Variants in NEB observed in about 807,000 individuals in gnomAD.
NEB encodes the protein nebulin, also known as nemaline myopathy type 2.
In NEB, 512 loss-of-function variants were observed where a neutral mutation model predicts 952.2. That is an observed-to-expected ratio of 0.54 (90% CI 0.50 to 0.58). The LOEUF is 0.58. Among genes scored for constraint, NEB ranks in the 20% least tolerant of loss-of-function variants. The pLI is 0.00. For synonymous variants in NEB, 2,900 were observed against 3,149.8 expected (o/e 0.92, Z 2.66); for missense variants, 8,428 against 9,231.1 (o/e 0.91, Z 3.56).
rs763898579 is a variant in NEB at position 151,694,353 on chromosome 2, G to T, written c.1866C>A (p.His622Gln). Residue 622 changes from histidine to glutamine, a missense_variant, in exon 20 of 182, where the codon CAC (histidine) becomes CAA (glutamine). This residue lies in a region of NEB where 2,851 missense variants were observed against 2,791.5 expected (regional missense o/e 1.02). Transcript: ENST00000397345. Reference sequence around the variant, plus strand: ...TCTGGTTTTTGGCCACCTTCAAGGAGTGCAGCATCTTGGGATCGTCATTAA... The same window carrying T: ...TCTGGTTTTTGGCCACCTTCAAGGATTGCAGCATCTTGGGATCGTCATTAA... ...LSINDDPKML[H>Q]SLKVAKNQSD... is the part of the protein sequence containing the mutation. 3 of 1,614,010 alleles carry T rather than the reference G, an allele frequency of 1.9e-6. No individual in the cohort carries two copies. In the Admixed American group the frequency reaches 5.0e-5, roughly 27 times the overall value.
intron 78 of NEB, among the ~76,000 whole-genome samples, chr2:151,611,575 A>T (rs1003179999): frequency 1.3e-5 from 2 of 152,214 alleles, no homozygotes; most frequent in Admixed American, 6.5e-5. Context: ...GGAGAATTCA[A>T]GTTCAAATCA....
intron 127 of NEB, 105 bp downstream of exon 127, chr2:151,553,293 C>T (rs775690542): frequency 1.1e-6 from 1 of 935,280 alleles, no homozygotes; most frequent in Non-Finnish European, 1.7e-6. Flanking sequence ...TCAGCCACCC[C>T]CCAGAGCTGG....
At chr2:151,492,596 G>T (rs2057448013) in intron 176 of NEB, 102 bp from the exon 177 acceptor site, 10 of 804,670 alleles carry the variant, frequency 1.2e-5, no homozygotes, top group Admixed American at 2.7e-5. Context: ...AGGGACGCTT[G>T]GGTCAACTGA....
chr2:151,668,958 G>T, intron 39 of NEB, 69 bp downstream of exon 39: 1 of 1,181,674 alleles, frequency 8.5e-7, no homozygotes, highest in Non-Finnish European at 1.2e-6. Context: ...AATTCTCAGA[G>T]CAAGAGTTGC....
chr2:151,704,639 C>A (rs1250117666), intron 13 of NEB, among the ~76,000 whole-genome samples: 1 of 152,222 alleles, frequency 6.6e-6, no homozygotes, highest in Non-Finnish European at 1.5e-5. Context: ...GCGTCCGTCA[C>A]CCCTTTCTTT....
At chr2:151,491,959 A>C in intron 178 of NEB, 139 bp downstream of exon 178, 1 of 1,045,156 alleles carries the variant, frequency 9.6e-7, no homozygotes, top group Non-Finnish European at 1.4e-6. Flanking sequence ...GTAAACTATG[A>C]GATAATAGGA....
chr2:151,528,507 G>C (rs2088083370), intron 146 of NEB, among the ~76,000 whole-genome samples: 1 of 152,092 alleles, frequency 6.6e-6, no homozygotes, highest in Non-Finnish European at 1.5e-5. Flanking sequence ...TCTCACATCT[G>C]TCCTTCTATC....
intron 124 of NEB, among the ~76,000 whole-genome samples, chr2:151,555,429 G>A (rs4664057): frequency 0.3 from 44,857 of 151,996 alleles, 6,941 homozygotes; most frequent in Admixed American, 0.39. Flanking sequence ...AAAGGAGTGC[G>A]AGATTAAAAC....
chr2:151,609,149 G>C (rs2097826804), intron 81 of NEB, among the ~76,000 whole-genome samples: 3 of 149,060 alleles, frequency 2.0e-5, no homozygotes, highest in South Asian at 2.1e-4. Context: ...GAGTGCAATT[G>C]GAGATTGCAC....
At position 151,576,134 on chromosome 2, in the gene NEB, G is replaced by C. The variant is rs1342909633; in HGVS notation, c.16908+17C>G. 2 of 1,549,790 alleles carry C rather than the reference G, an allele frequency of 1.3e-6. No homozygotes were observed. Among genetic ancestry groups the C allele is most frequent in the Non-Finnish European group, 1.8e-6 (2 of 1,137,524 alleles). On this transcript the variant is annotated intron_variant, in intron 106 of 181. Transcript: ENST00000397345. ...TTATGGCATTAATTCAATTTTAATA[G>C]AGAAAAACTAACTCACAATACTAAT... is the stretch of plus-strand genomic sequence containing the variant.
Position 151,518,099 on chromosome 2 carries a change from C to G in NEB, c.22800+219G>C, listed in dbSNP as rs1261659080. The stretch of plus-strand genomic sequence containing the variant: ...AAAACACACTCTTTATGCTTCCAGC[C>G]CCTGCCAGTAGCACATAATTGCATG... On this transcript the variant is annotated intron_variant, in intron 156 of 181. Transcript: ENST00000397345. Among the ~76,000 whole-genome samples, 7 of 152,128 alleles carry G rather than the reference C, an allele frequency of 4.6e-5. No homozygotes were observed. The East Asian group carries it at 1.3e-3, about 29-fold the overall frequency.
chr2:151,595,327 T>G (rs2097403384), intron 92 of NEB, among the ~76,000 whole-genome samples: 4 of 151,496 alleles, frequency 2.6e-5, no homozygotes, highest in South Asian at 4.2e-4. Flanking sequence ...CTCGGCTTAC[T>G]GCAAACCTCC....
rs758209784 is a variant in NEB at position 151,519,075 on chromosome 2, T to C, written c.22591-6A>G. ...AGGTCAGCCTTGTATTTAACCTGTG[T>C]GTTATGGGGGAAGAAAGGAAATCAC... On this transcript the variant is annotated splice_polypyrimidine_tract_variant and splice_region_variant and intron_variant, in intron 154 of 181. Transcript: ENST00000397345. 8.3e-6 allele frequency: 13 copies of C among 1,570,612 alleles called. No individual in the cohort carries two copies. Among genetic ancestry groups the C allele is most frequent in the Non-Finnish European group, 1.1e-5 (13 of 1,140,752 alleles).
intron 81 of NEB, 82 bp downstream of exon 81, chr2:151,609,727 G>T (rs1455753393): frequency 1.5e-6 from 2 of 1,370,014 alleles, no homozygotes; most frequent in African/African-American, 1.5e-5. Flanking sequence ...CAGCCCAGGG[G>T]ACTGTCCTCA....
Position 151,498,339 on chromosome 2 carries a change from T to C in NEB, c.24128A>G (p.Glu8043Gly). The change falls in exon 170 of 182, where the codon GAA becomes GGA. Residue 8043 changes from glutamate (E) to glycine (G), a missense_variant. By Grantham distance (98) the Glu-to-Gly change is moderately conservative. This residue lies in a region of NEB where 3,374 missense variants were observed against 3,651.5 expected (regional missense o/e 0.92). Coordinates refer to ENST00000397345, the MANE Select transcript of NEB (RefSeq NM_001164508.2). ...QENFSSVLYK[E>G]NLGTGIPIPI... is the part of the protein sequence containing the mutation. ...GATTGGAATTCCTGTCCCCAGGTTT[T>C]CTTTGTATAGCACCTGTATGATGAG... The C allele has an allele frequency of 6.4e-7, 1 of 1,550,562 alleles. No individual in the cohort carries two copies. The highest frequency in any genetic ancestry group is 8.7e-7 in the Non-Finnish European group (1 of 1,146,168).
chr2:151,562,310 C>G, intron 120 of NEB, 96 bp from the exon 121 acceptor site: 1 of 1,094,980 alleles, frequency 9.1e-7, no homozygotes, highest in Non-Finnish European at 1.4e-6. Flanking sequence ...GTGCTTATTG[C>G]TTAGAAGACA....
At chr2:151,627,399 A>T (rs2098546693) in intron 69 of NEB, 124 bp downstream of exon 69, 6 of 1,465,052 alleles carry the variant, frequency 4.1e-6, no homozygotes, top group Non-Finnish European at 5.5e-6. Flanking sequence ...AGAGTTGCCT[A>T]AAAAATGAGC....
chr2:151,643,783 A>G, intron 57 of NEB, 35 bp downstream of exon 57: 1 of 1,599,234 alleles, frequency 6.3e-7, no homozygotes, highest in Non-Finnish European at 8.5e-7. Flanking sequence ...AGCAGACATA[A>G]TGTTTTGTTG....
At chr2:151,718,398 T>C (rs1394714971) in intron 9 of NEB, among the ~76,000 whole-genome samples, 1 of 152,160 alleles carries the variant, frequency 6.6e-6, no homozygotes, top group Non-Finnish European at 1.5e-5. Context: ...GGTATACTAA[T>C]GCCATTTTGT....
Sources: allele counts gnomAD v4.1 joint callset (sites outside exome capture counted in the v4.1 genomes callset), GRCh38; gene constraint gnomAD v4.1.1; regional missense constraint gnomAD v4.1.1; transcripts MANE v1.5; gene names NCBI Gene and HGNC (gene_info 2026-07-23, HGNC 2026-07-21).